RGL1: variants seen among roughly 807,000 people sequenced by gnomAD.
RGL1 encodes ral guanine nucleotide dissociation stimulator like 1.
In RGL1, 24 loss-of-function variants were observed where a neutral mutation model predicts 95.2. The observed-to-expected ratio is 0.25, with a 90% CI of 0.18 to 0.35. RGL1 has a LOEUF of 0.35. RGL1 is among the 10% of genes least tolerant of loss of function. The pLI is 1.00. For missense variants in RGL1, 715 were observed against 936.3 expected (o/e 0.76, Z 3.08); for synonymous variants, 329 against 344.9 (o/e 0.95, Z 0.51).
chr1:183,830,959 C>T (rs943017441), intron 2 of RGL1, among the ~76,000 whole-genome samples: 1 of 152,104 alleles, frequency 6.6e-6, no homozygotes, highest in Non-Finnish European at 1.5e-5. Flanking sequence ...ACTTTGTTTT[C>T]CATTCATTAC....
At chr1:183,706,070 A>G (rs1654894003) in intron 1 of RGL1, among the ~76,000 whole-genome samples, 1 of 152,110 alleles carries the variant, frequency 6.6e-6, no homozygotes, top group African/African-American at 2.4e-5. Context: ...GGGAGGTTGG[A>G]GGAGTAGAAG....
At chr1:183,658,214 G>A (rs1651325533) in intron 1 of RGL1, among the ~76,000 whole-genome samples, 1 of 152,230 alleles carries the variant, frequency 6.6e-6, no homozygotes, top group Admixed American at 6.5e-5. Flanking sequence ...GCGCAGGACA[G>A]TGGGTGCAGT....
chr1:183,790,122 C>T (rs1660374465), intron 2 of RGL1, among the ~76,000 whole-genome samples: 1 of 151,932 alleles, frequency 6.6e-6, no homozygotes, highest in Admixed American at 6.6e-5. Flanking sequence ...GGTGGGGTTT[C>T]ACCATGTTGG....
At chr1:183,891,263 T>C (rs1357719073) in intron 8 of RGL1, among the ~76,000 whole-genome samples, 1 of 152,158 alleles carries the variant, frequency 6.6e-6, no homozygotes, top group Non-Finnish European at 1.5e-5. Context: ...ATTCTTTGTC[T>C]TCAGAATCAT....
intron 2 of RGL1, among the ~76,000 whole-genome samples, chr1:183,776,668 C>T (rs903040135): frequency 6.6e-6 from 1 of 152,092 alleles, no homozygotes; most frequent in African/African-American, 2.4e-5. Flanking sequence ...AAAGCACATA[C>T]TAGAGACTAC....
Position 183,897,406 on chromosome 1 carries a change from C to T in RGL1, c.1141-402C>T, listed in dbSNP as rs138430883. Among the ~76,000 whole-genome samples, 613 of 152,166 alleles carry T rather than the reference C, an allele frequency of 4.0e-3. 7 individuals are homozygous for T. The highest frequency in any genetic ancestry group is 0.014 in the African/African-American group (561 of 41,542). ...AAATAAAATAAAATATAAAAATTAG[C>T]CAGGTGGTGGCGCATTCCTCTAATC... On this transcript the variant is annotated intron_variant, in intron 9 of 17. Coordinates refer to ENST00000360851, the MANE Select transcript of RGL1 (RefSeq NM_001297671.3).
At chr1:183,674,148 A>G (rs1423264436) in intron 1 of RGL1, among the ~76,000 whole-genome samples, 2 of 152,182 alleles carry the variant, frequency 1.3e-5, no homozygotes, top group African/African-American at 2.4e-5. Context: ...TTATAACACC[A>G]TGGGAGTGAG....
chr1:183,745,938 T>G (rs1358122153), intron 2 of RGL1, among the ~76,000 whole-genome samples: 1 of 152,194 alleles, frequency 6.6e-6, no homozygotes, highest in African/African-American at 2.4e-5. Flanking sequence ...TAATATTTCA[T>G]CCTTAATGTC....
chr1:183,913,439 A>G (rs1236399259), intron 15 of RGL1, among the ~76,000 whole-genome samples: 1 of 151,938 alleles, frequency 6.6e-6, no homozygotes, highest in Non-Finnish European at 1.5e-5. Context: ...CAGGTGATCC[A>G]CCCACTTCGG....
In RGL1 at chr1:183,805,258, C is replaced by T. The variant is rs1453665769; in HGVS notation, c.-40C>T. On this transcript the variant is annotated 5_prime_UTR_variant, in exon 1 of 18. Coordinates refer to ENST00000360851, the MANE Select transcript of RGL1 (RefSeq NM_001297671.3). ...ACATTGCGTTGGCCTCCGAGCAGGG[C>T]GCATCATGCAGCGTTCGCGCACCGG... 6.2e-7 allele frequency: 1 copy of T among 1,608,448 alleles called. No individual in the cohort carries two copies. Among genetic ancestry groups the T allele is most frequent in the Non-Finnish European group, 8.5e-7 (1 of 1,178,054 alleles).
chr1:183,836,741 T>C (rs1010008780), intron 2 of RGL1, among the ~76,000 whole-genome samples: 1 of 152,120 alleles, frequency 6.6e-6, no homozygotes, highest in Non-Finnish European at 1.5e-5. Context: ...AAAACAGTGC[T>C]GAGGGATAGA....
chr1:183,676,714 C>T (rs1372873816), intron 1 of RGL1, among the ~76,000 whole-genome samples: 1 of 141,588 alleles, frequency 7.1e-6, no homozygotes, highest in Non-Finnish European at 1.6e-5. Flanking sequence ...TGGGCTGTGT[C>T]TCATAGTGAT....
At chr1:183,868,193 T>G (rs1479829605) in intron 4 of RGL1, among the ~76,000 whole-genome samples, 1 of 152,150 alleles carries the variant, frequency 6.6e-6, no homozygotes, top group Non-Finnish European at 1.5e-5. Flanking sequence ...CATGGAATTT[T>G]GGGGAACAAC....
At position 183,734,884 on chromosome 1, in the gene RGL1, C is replaced by G. The variant is rs12075414; in HGVS notation, c.-32-7242C>G. Among the ~76,000 whole-genome samples, 302 of 152,300 alleles carry G rather than the reference C, an allele frequency of 2.0e-3. 6 individuals carry two copies. In the East Asian group the frequency reaches 0.042, roughly 21 times the overall value. Reference sequence around the variant, plus strand: ...TCTGTTAAGTATCCTCTCCCTTCCCCACGTCTGTCTTTGCAGATTTGTGAC... The same window carrying G: ...TCTGTTAAGTATCCTCTCCCTTCCCGACGTCTGTCTTTGCAGATTTGTGAC... On this transcript the variant is annotated intron_variant, in intron 1 of 18. Transcript: ENST00000304685.
chr1:183,806,567 AG>A, intron 2 of RGL1, 82 bp downstream of exon 2: 8 of 985,166 alleles, frequency 8.1e-6, no homozygotes, highest in Non-Finnish European at 1.2e-5. Flanking sequence ...TAACAGAGGC[AG>A]GCTTTTTTTT....
intron 16 of RGL1, among the ~76,000 whole-genome samples, chr1:183,921,609 A>G (rs1366097305): frequency 6.6e-6 from 1 of 152,196 alleles, no homozygotes; most frequent in African/African-American, 2.4e-5. Context: ...ATATACTACG[A>G]TTTATTCTCT....
At chr1:183,865,598 T>C (rs1200835483) in intron 3 of RGL1, among the ~76,000 whole-genome samples, 2 of 152,230 alleles carry the variant, frequency 1.3e-5, no homozygotes, top group Non-Finnish European at 2.9e-5. Flanking sequence ...CAGAGCCATG[T>C]GTCCCTTGCA....
chr1:183,858,734 C>T (rs935121540), intron 3 of RGL1, among the ~76,000 whole-genome samples: 1 of 152,064 alleles, frequency 6.6e-6, no homozygotes, highest in Non-Finnish European at 1.5e-5. Context: ...TGCTGTCAGG[C>T]CCCTAGTCCT....
upstream of RGL1, among the ~76,000 whole-genome samples, chr1:183,802,323 A>C (rs1381300826): frequency 6.6e-6 from 1 of 152,074 alleles, no homozygotes; most frequent in African/African-American, 2.4e-5. Flanking sequence ...GGTACCATAA[A>C]GTTTTGATTA....
Sources: allele counts gnomAD v4.1 joint callset (sites outside exome capture counted in the v4.1 genomes callset), GRCh38; gene constraint gnomAD v4.1.1; transcripts MANE v1.5; gene names NCBI Gene and HGNC (gene_info 2026-07-23, HGNC 2026-07-21).